The following HPSE2 variants were observed in gnomAD, a reference collection of about 807,000 sequenced individuals.
HPSE2 encodes inactive heparanase-2.
HPSE2 carries 38 observed loss-of-function variants against 60.5 expected under a neutral mutation model. The ratio of observed to expected loss-of-function variants is 0.63; its 90% CI spans 0.48 to 0.82. The LOEUF is 0.82. HPSE2 is among the 40% of genes least tolerant of loss of function. The pLI, the probability that HPSE2 is intolerant of heterozygous loss-of-function variation, is 0.00. For missense variants in HPSE2, 713 were observed against 740.4 expected (o/e 0.96, Z 0.43); for synonymous variants, 295 against 293.2 (o/e 1.01, Z -0.06).
chr10:98,479,613 C>T (rs1329323451), intron 11 of HPSE2, among the ~76,000 whole-genome samples: 2 of 152,136 alleles, frequency 1.3e-5, no homozygotes, highest in Non-Finnish European at 1.5e-5. Flanking sequence ...AGCCCAGGAT[C>T]GAGCCAATGA....
chr10:98,700,150 G>C (rs1013120378), intron 5 of HPSE2, among the ~76,000 whole-genome samples: 1 of 151,790 alleles, frequency 6.6e-6, no homozygotes, highest in Non-Finnish European at 1.5e-5. Flanking sequence ...CTACTTTAAA[G>C]TTCATATGGA....
chr10:99,114,451 C>G (rs927460627), intron 3 of HPSE2, among the ~76,000 whole-genome samples: 2 of 152,218 alleles, frequency 1.3e-5, no homozygotes, highest in African/African-American at 4.8e-5. Context: ...CTTCTTCCTA[C>G]ATCATCTTTA....
chr10:98,651,719 T>C (rs1946919912), intron 6 of HPSE2, among the ~76,000 whole-genome samples: 1 of 151,934 alleles, frequency 6.6e-6, no homozygotes, highest in African/African-American at 2.4e-5. Flanking sequence ...ATGACTGCTA[T>C]CATTTTGAAG....
At chr10:98,481,980 C>A (rs976121285) in intron 11 of HPSE2, among the ~76,000 whole-genome samples, 3 of 152,072 alleles carry the variant, frequency 2.0e-5, no homozygotes, top group African/African-American at 7.2e-5. Context: ...CTGAGGGAGG[C>A]AGGGAGTGTC....
chr10:99,225,916 G>A (rs1400416449), intron 2 of HPSE2, among the ~76,000 whole-genome samples: 7 of 151,906 alleles, frequency 4.6e-5, no homozygotes, highest in African/African-American at 1.7e-4. Context: ...AAATAGATTA[G>A]AATGTATTAA....
At chr10:99,012,771 G>T (rs1957046300) in intron 3 of HPSE2, among the ~76,000 whole-genome samples, 1 of 152,076 alleles carries the variant, frequency 6.6e-6, no homozygotes, top group Non-Finnish European at 1.5e-5. Flanking sequence ...AACTAGGGAG[G>T]GTTATACTGA....
At chr10:98,592,774 C>A (rs752610792) in intron 9 of HPSE2, among the ~76,000 whole-genome samples, 5 of 152,254 alleles carry the variant, frequency 3.3e-5, no homozygotes, top group Admixed American at 1.3e-4. Flanking sequence ...TTCCTTCTTG[C>A]GTTTTATTTG....
chr10:98,621,568 A>G (rs927241677), intron 7 of HPSE2, among the ~76,000 whole-genome samples: 1 of 152,218 alleles, frequency 6.6e-6, no homozygotes, highest in Non-Finnish European at 1.5e-5. Context: ...GAAATAGGGA[A>G]GAAGGGAAAA....
chr10:99,112,721 T>C (rs924899662), intron 3 of HPSE2, among the ~76,000 whole-genome samples: 4 of 152,190 alleles, frequency 2.6e-5, no homozygotes, highest in African/African-American at 4.8e-5. Context: ...ATTTGTAAAT[T>C]TTCTTCATAC....
At chr10:99,091,571 TATAAG>T (rs1191554781) in intron 3 of HPSE2, among the ~76,000 whole-genome samples, 13 of 152,164 alleles carry the variant, frequency 8.5e-5, no homozygotes, top group Admixed American at 2.0e-4. Flanking sequence ...TGACTTAAAA[TATAAG>T]ATAACAAAAA....
At chr10:99,199,990 T>A (rs1848521502) in intron 2 of HPSE2, among the ~76,000 whole-genome samples, 1 of 152,168 alleles carries the variant, frequency 6.6e-6, no homozygotes, top group South Asian at 2.1e-4. Context: ...AGCATAGTAG[T>A]CTTTCACCTC....
intron 11 of HPSE2, among the ~76,000 whole-genome samples, chr10:98,478,214 A>T (rs1941099355): frequency 6.6e-6 from 1 of 152,188 alleles, no homozygotes; most frequent in African/African-American, 2.4e-5. Flanking sequence ...TCTTCTTCTG[A>T]GAAAGGTGAG....
At chr10:99,152,812 G>T (rs1269474433) in intron 2 of HPSE2, among the ~76,000 whole-genome samples, 2 of 152,228 alleles carry the variant, frequency 1.3e-5, no homozygotes, top group African/African-American at 4.8e-5. Flanking sequence ...CAGAAGACGG[G>T]TGATTTCTGC....
intron 4 of HPSE2, among the ~76,000 whole-genome samples, chr10:98,737,230 C>CTCCTTAAGCTGATAGCA (rs1251447268): frequency 7.0e-4 from 65 of 93,016 alleles, no homozygotes; most frequent in East Asian, 2.3e-3. Context: ...CTGTTATATA[C>CTCCTTAAGCTGATAGCA]ACATAAAAAT....
chr10:98,747,285 C>T (rs1425634921), intron 3 of HPSE2, among the ~76,000 whole-genome samples: 3 of 152,048 alleles, frequency 2.0e-5, no homozygotes, highest in Non-Finnish European at 4.4e-5. Context: ...ATACTAAAAT[C>T]CATATCAAAT....
At chr10:98,544,463 C>A (rs1052207635) in intron 9 of HPSE2, among the ~76,000 whole-genome samples, 5 of 152,086 alleles carry the variant, frequency 3.3e-5, no homozygotes, top group Non-Finnish European at 5.9e-5. Context: ...GTAATCCCAG[C>A]ACTTTGGGAG....
At chr10:99,198,439 T>C (rs1848472150) in intron 2 of HPSE2, among the ~76,000 whole-genome samples, 2 of 152,194 alleles carry the variant, frequency 1.3e-5, no homozygotes, top group Admixed American at 1.3e-4. Flanking sequence ...AACTACTGTA[T>C]GATTCTCCAA....
chr10:98,941,712 A>C (rs1955008844), intron 3 of HPSE2, among the ~76,000 whole-genome samples: 1 of 135,956 alleles, frequency 7.4e-6, no homozygotes, highest in South Asian at 2.2e-4. Flanking sequence ...CTTTCTTCAC[A>C]GAATTGGAAA....
At chr10:98,823,003 G>A (rs1187981085) in intron 3 of HPSE2, among the ~76,000 whole-genome samples, 5 of 152,160 alleles carry the variant, frequency 3.3e-5, no homozygotes, top group African/African-American at 1.2e-4. Flanking sequence ...AAGAGATACA[G>A]GTGGGGTCAA....
Sources: gnomAD v4.1 joint callset for allele counts (sites outside exome capture counted in the v4.1 genomes callset) on GRCh38, gnomAD v4.1.1 for gene constraint, MANE v1.5 for transcripts, NCBI Gene and HGNC (gene_info 2026-07-23, HGNC 2026-07-21) for gene names.